The following GRIA1 variants were observed in gnomAD, a reference collection of about 807,000 sequenced individuals.
GRIA1 encodes glutamate ionotropic receptor AMPA type subunit 1.
GRIA1 carries 31 observed loss-of-function variants against 99.2 expected under a neutral mutation model. The observed-to-expected ratio is 0.31, with a 90% CI of 0.23 to 0.42. The LOEUF is 0.42. GRIA1 is among the 10% of genes least tolerant of loss of function. GRIA1 has a pLI of 1.00. For missense variants in GRIA1, 782 were observed against 1,157.5 expected, an observed-to-expected ratio of 0.68 and a Z score of 4.71; for synonymous variants, 438 against 432.4, an observed-to-expected ratio of 1.01 and a Z score of -0.16.
At chr5:153,627,316 A>G (rs1233575156) in intron 2 of GRIA1, among the ~76,000 whole-genome samples, 1 of 152,190 alleles carries the variant, frequency 6.6e-6, no homozygotes, top group Non-Finnish European at 1.5e-5. Context: ...GAGCAAGCAA[A>G]GGTTTCAGAG....
At chr5:153,548,507 C>T (rs911671438) in intron 2 of GRIA1, among the ~76,000 whole-genome samples, 8 of 152,066 alleles carry the variant, frequency 5.3e-5, no homozygotes, top group African/African-American at 1.7e-4. Context: ...ATATTTGGGA[C>T]TAAAATTCAT....
rs1030582905 is a variant in GRIA1, at chr5:153,541,950, A to T, written c.220+47885A>T. 2.1e-5 allele frequency among the ~76,000 whole-genome samples: 3 copies of T among 142,594 alleles called. No homozygotes were observed. The East Asian group carries it at 5.9e-4, about 28-fold the overall frequency. The allele number at this position is 142,594 out of a possible 152,430, so 93.5% of individuals were successfully genotyped here. A position where few individuals can be genotyped will look rare whatever the true frequency, so the allele number is the denominator to read the frequency against. On this transcript the variant is annotated intron_variant, in intron 2 of 15. Transcript: ENST00000285900. ...TTTCAAAAAAAAAAAAAAAAAAAAA[A>T]AACAAGAAAAGTGTTGCCAGGTATG...
At chr5:153,650,148 G>T (rs1754448082) in intron 3 of GRIA1, among the ~76,000 whole-genome samples, 182 bp from the exon 4 acceptor site, 1 of 152,182 alleles carries the variant, frequency 6.6e-6, no homozygotes, top group Non-Finnish European at 1.5e-5. Context: ...TACCATCTAT[G>T]TTCAGAAACA....
At chr5:153,679,734 C>T (rs1756841962) in intron 7 of GRIA1, among the ~76,000 whole-genome samples, 1 of 152,210 alleles carries the variant, frequency 6.6e-6, no homozygotes, top group African/African-American at 2.4e-5. Context: ...CTTGGAGGCT[C>T]AGGTCTCTAC....
chr5:153,705,306 C>A (rs904397172), intron 10 of GRIA1, among the ~76,000 whole-genome samples: 1 of 152,148 alleles, frequency 6.6e-6, no homozygotes, highest in Admixed American at 6.6e-5. Flanking sequence ...ACCTGCTTCC[C>A]CATGTAGCCA....
At chr5:153,802,283 C>T (rs1766092634) in intron 14 of GRIA1, 73 bp from the exon 15 acceptor site, 3 of 1,356,578 alleles carry the variant, frequency 2.2e-6, no homozygotes, top group East Asian at 2.3e-5. Flanking sequence ...TATGCTGCTG[C>T]TTGGATGGTC....
At chr5:153,492,085 C>G in intron 1 of GRIA1, 2 of 1,368,158 alleles carry the variant, frequency 1.5e-6, no homozygotes. Flanking sequence ...GTCTCTCTCC[C>G]CTGGTAGGGA....
chr5:153,558,648 A>G (rs915421827), intron 2 of GRIA1, among the ~76,000 whole-genome samples: 21 of 152,146 alleles, frequency 1.4e-4, no homozygotes, highest in Non-Finnish European at 1.5e-5. Flanking sequence ...GCTGATGAAC[A>G]TTTAGTCTGT....
At chr5:153,563,784 A>T (rs1761369971) in intron 2 of GRIA1, among the ~76,000 whole-genome samples, 1 of 152,168 alleles carries the variant, frequency 6.6e-6, no homozygotes, top group Non-Finnish European at 1.5e-5. Context: ...CAAGGGAAAC[A>T]AATGTCTGGG....
intron 2 of GRIA1, among the ~76,000 whole-genome samples, chr5:153,508,891 G>A (rs1755793756): frequency 6.6e-6 from 1 of 152,156 alleles, no homozygotes; most frequent in African/African-American, 2.4e-5. Context: ...GAGGGTTCAG[G>A]TCTGCCCGAT....
intron 11 of GRIA1, among the ~76,000 whole-genome samples, chr5:153,751,967 C>T (rs2149590452): frequency 6.6e-6 from 1 of 152,336 alleles, no homozygotes; most frequent in Non-Finnish European, 1.5e-5. Context: ...TCCTGTGGAT[C>T]ACTTAATGCT....
At chr5:153,767,028 A>G (rs558225602) in intron 12 of GRIA1, among the ~76,000 whole-genome samples, 5 of 152,296 alleles carry the variant, frequency 3.3e-5, no homozygotes, top group African/African-American at 1.2e-4. Flanking sequence ...TTCTGAGGTC[A>G]CATCTGGGCT....
intron 1 of GRIA1, 34 bp from the exon 2 acceptor site, chr5:153,493,894 C>A: frequency 6.2e-7 from 1 of 1,612,122 alleles, no homozygotes; most frequent in East Asian, 2.2e-5. Context: ...CTGTCTCTAG[C>A]CCATATACCA....
At chr5:153,599,569 T>C (rs2149395404) in intron 2 of GRIA1, among the ~76,000 whole-genome samples, 1 of 152,356 alleles carries the variant, frequency 6.6e-6, no homozygotes, top group African/African-American at 2.4e-5. Flanking sequence ...CCTAATACAA[T>C]GTAAATACTA....
intron 5 of GRIA1, among the ~76,000 whole-genome samples, chr5:153,669,862 T>C (rs1335180781): frequency 1.3e-5 from 2 of 152,172 alleles, no homozygotes; most frequent in Non-Finnish European, 2.9e-5. Flanking sequence ...AATCAGCTCA[T>C]ATTACACCCC....
intron 13 of GRIA1, among the ~76,000 whole-genome samples, 200 bp downstream of exon 13, chr5:153,770,615 C>A (rs1479049819): frequency 1.3e-5 from 2 of 152,146 alleles, no homozygotes; most frequent in East Asian, 1.9e-4. Flanking sequence ...GGGGCCTCAG[C>A]TTGCTGTGAC....
chr5:153,735,248 AG>A (rs1321831797), intron 11 of GRIA1, among the ~76,000 whole-genome samples: 4 of 152,306 alleles, frequency 2.6e-5, no homozygotes, highest in African/African-American at 9.6e-5. Flanking sequence ...TCAGATACTG[AG>A]TTAAAGAAGA....
At chr5:153,632,834 G>C (rs1368244745) in intron 2 of GRIA1, among the ~76,000 whole-genome samples, 1 of 152,182 alleles carries the variant, frequency 6.6e-6, no homozygotes, top group Non-Finnish European at 1.5e-5. Context: ...TGAAATTATA[G>C]AATATCAAGA....
intron 11 of GRIA1, among the ~76,000 whole-genome samples, chr5:153,763,788 C>A (rs1763334671): frequency 6.6e-6 from 1 of 152,152 alleles, no homozygotes; most frequent in Non-Finnish European, 1.5e-5. Context: ...ATCATATTTG[C>A]CTTTTTTTAT....
Sources: allele counts gnomAD v4.1 joint callset (sites outside exome capture counted in the v4.1 genomes callset), GRCh38; gene constraint gnomAD v4.1.1; transcripts MANE v1.5; gene names NCBI Gene and HGNC (gene_info 2026-07-23, HGNC 2026-07-21).